GIT2: variants seen among roughly 807,000 people sequenced by gnomAD.
GIT2 encodes the protein ARF GTPase-activating protein GIT2.
Under a neutral mutation model 100.3 loss-of-function variants are expected in GIT2, and 32 were observed. That is an observed-to-expected ratio of 0.32 (90% CI 0.24 to 0.43). GIT2 has a LOEUF of 0.43. Among genes scored for constraint, GIT2 ranks in the 20% least tolerant of loss-of-function variants. The pLI, the probability that GIT2 is intolerant of heterozygous loss-of-function variation, is 1.00. For synonymous variants in GIT2, 353 were observed against 364.1 expected, an observed-to-expected ratio of 0.97 and a Z score of 0.35; for missense variants, 737 against 975.1, an observed-to-expected ratio of 0.76 and a Z score of 3.25.
chr12:109,949,139 A>G, intron 14 of GIT2: 1 of 398,138 alleles, frequency 2.5e-6, no homozygotes, highest in Non-Finnish European at 4.5e-6. Context: ...CTTTCCAGGG[A>G]AAGAACAGCT....
chr12:109,937,165 A>G (rs1487175474), intron 18 of GIT2, among the ~76,000 whole-genome samples: 1 of 152,164 alleles, frequency 6.6e-6, no homozygotes, highest in Non-Finnish European at 1.5e-5. Flanking sequence ...TTCAATAAAC[A>G]TGGATTATTC....
chr12:109,941,420 G>A (rs560600644), intron 16 of GIT2, among the ~76,000 whole-genome samples: 1 of 152,186 alleles, frequency 6.6e-6, no homozygotes, highest in Non-Finnish European at 1.5e-5. Context: ...ATAGCAGGAA[G>A]ATCATGGGCA....
At chr12:109,950,966 T>C (rs1189194304) in intron 14 of GIT2, 3 of 607,578 alleles carry the variant, frequency 4.9e-6, no homozygotes, top group Admixed American at 2.8e-5. Context: ...AGGTTTCTCC[T>C]ACCTGGGGAA....
intron 4 of GIT2, 111 bp downstream of exon 4, chr12:109,988,848 CAAAA>C (rs59956597): frequency 0.018 from 3,741 of 202,790 alleles, no homozygotes; most frequent in South Asian, 0.022. Context: ...GACTCTGTCT[CAAAA>C]AAAAAAAAAA....
chr12:109,955,217 G>T (rs950865043), intron 12 of GIT2, among the ~76,000 whole-genome samples: 1 of 151,978 alleles, frequency 6.6e-6, no homozygotes, highest in African/African-American at 2.4e-5. Context: ...TCCGCCTCCC[G>T]GTTTCACGCC....
At chr12:109,976,576 G>A (rs532612370) in intron 7 of GIT2, among the ~76,000 whole-genome samples, 47 of 145,062 alleles carry the variant, frequency 3.2e-4, no homozygotes, top group Non-Finnish European at 5.7e-4. Flanking sequence ...GAGCCACCGC[G>A]CCTGGCGTTT....
chr12:109,991,358 G>C (rs142934133), intron 2 of GIT2, among the ~76,000 whole-genome samples: 3 of 151,058 alleles, frequency 2.0e-5, no homozygotes, highest in African/African-American at 7.3e-5. Flanking sequence ...AGTCAACAGA[G>C]CAACAGTACC....
chr12:109,994,769 GAATCAAATACATCACGGT>G (rs549798888), intron 1 of GIT2, among the ~76,000 whole-genome samples: 11 of 152,274 alleles, frequency 7.2e-5, no homozygotes, highest in African/African-American at 2.6e-4. Flanking sequence ...AGACACATGT[GAATCAAATACATCACGGT>G]AAGTTCAACT....
chr12:109,966,408 C>T (rs550217219), intron 8 of GIT2, among the ~76,000 whole-genome samples: 5 of 145,380 alleles, frequency 3.4e-5, no homozygotes, highest in South Asian at 4.4e-4. Context: ...ACTCGGGAGG[C>T]GGAGACAGGA....
chr12:109,937,357 TA>T (rs1873337209), intron 18 of GIT2, among the ~76,000 whole-genome samples: 1 of 152,224 alleles, frequency 6.6e-6, no homozygotes. Context: ...ATCCCTTGAA[TA>T]CTTTTTGCTC....
chr12:109,944,115 T>C (rs954635042), intron 16 of GIT2, among the ~76,000 whole-genome samples: 17 of 152,306 alleles, frequency 1.1e-4, no homozygotes, highest in African/African-American at 3.8e-4. Flanking sequence ...GAGGCTGCAG[T>C]ACGCTATGAC....
intron 14 of GIT2, among the ~76,000 whole-genome samples, chr12:109,949,659 G>A (rs1030314653): frequency 6.6e-6 from 1 of 152,154 alleles, no homozygotes; most frequent in African/African-American, 2.4e-5. Flanking sequence ...ATAAGCAAAA[G>A]CAAATAATTT....
Position 109,933,274 on chromosome 12 carries a change from C to T in GIT2, c.2068-84G>A, listed in dbSNP as rs1322463282. ...GGACAAACATTCTTCTAAAGCAAACCAAGCTGCTCCCCAGAGTGAAAGGCG... is the reference window on the plus strand; with the variant it reads ...GGACAAACATTCTTCTAAAGCAAACTAAGCTGCTCCCCAGAGTGAAAGGCG... On this transcript the variant is annotated intron_variant, in intron 19 of 19. Coordinates refer to ENST00000355312, the MANE Select transcript of GIT2 (RefSeq NM_057169.5). The surrounding 1 kb of genome is among the most constrained non-coding windows in gnomAD (Gnocchi z 4.5). 9 of 800,210 alleles carry T rather than the reference C, an allele frequency of 1.1e-5. No homozygotes were observed. Among genetic ancestry groups the T allele is most frequent in the Non-Finnish European group, 1.9e-5 (9 of 482,026 alleles). The allele number at this position is 800,210 out of a possible 1,614,324, so 49.6% of individuals were successfully genotyped here. A position where few individuals can be genotyped will look rare whatever the true frequency, so the allele number is the denominator to read the frequency against.
chr12:109,948,124 A>G lies in GIT2; in HGVS notation c.1393-620T>C. ...TATTCCAAACAATTCAGCACTTTGTAAAAAAAAAAAGAAAAAAGAGAAAAC... is the reference window on the plus strand; with the variant it reads ...TATTCCAAACAATTCAGCACTTTGTGAAAAAAAAAAGAAAAAAGAGAAAAC... On this transcript the variant is annotated intron_variant, in intron 14 of 19. Coordinates refer to ENST00000355312, the MANE Select transcript of GIT2 (RefSeq NM_057169.5). This position sits in a 1 kb window ranked among gnomAD's most constrained non-coding sequence, Gnocchi z 4.3. The G allele has an allele frequency of 7.2e-6, 4 of 553,492 alleles. No individual in the cohort carries two copies. The highest frequency in any genetic ancestry group is 1.6e-4 in the South Asian group (2 of 12,614). The allele number at this position is 553,492 out of a possible 1,614,324, so 34.3% of individuals were successfully genotyped here.
At chr12:109,968,778 G>A (rs1253588164) in intron 7 of GIT2, among the ~76,000 whole-genome samples, 1 of 149,758 alleles carries the variant, frequency 6.7e-6, no homozygotes, top group African/African-American at 2.5e-5. Context: ...GGAGTGCAGT[G>A]GCGTGGATCT....
At chr12:109,979,272 C>CTT (rs11338613) in intron 7 of GIT2, among the ~76,000 whole-genome samples, 85 of 85,776 alleles carry the variant, frequency 9.9e-4, no homozygotes, top group East Asian at 2.7e-3. Context: ...CAGAAAAAGG[C>CTT]TTTTTTTTTT....
intron 4 of GIT2, among the ~76,000 whole-genome samples, chr12:109,986,852 G>T (rs1887494166): frequency 6.6e-6 from 1 of 152,146 alleles, no homozygotes; most frequent in Admixed American, 6.5e-5. Context: ...AGCTACTTGG[G>T]AGGCTGAGGC....
intron 12 of GIT2, 92 bp from the exon 13 acceptor site, chr12:109,953,326 A>G: frequency 8.4e-7 from 1 of 1,195,334 alleles, no homozygotes; most frequent in Non-Finnish European, 1.2e-6. Context: ...TTAGCCATTT[A>G]AAGGACTTAA....
intron 7 of GIT2, among the ~76,000 whole-genome samples, chr12:109,970,505 A>G (rs1428352120): frequency 6.6e-6 from 1 of 151,980 alleles, no homozygotes; most frequent in East Asian, 1.9e-4. Flanking sequence ...AAAAACAGAA[A>G]ACAACAACAA....
Sources: allele counts gnomAD v4.1 joint callset (sites outside exome capture counted in the v4.1 genomes callset), GRCh38; gene constraint gnomAD v4.1.1; non-coding constraint Gnocchi (gnomAD v3.1); transcripts MANE v1.5; gene names NCBI Gene and HGNC (gene_info 2026-07-23, HGNC 2026-07-21).